Variants in DSCAM observed in about 807,000 individuals in gnomAD.
DSCAM encodes the protein DS cell adhesion molecule.
DSCAM carries 47 observed loss-of-function variants against 217.7 expected under a neutral mutation model. The observed-to-expected ratio is 0.22, with a 90% CI of 0.17 to 0.28. DSCAM has a LOEUF of 0.28. Ranked by LOEUF, DSCAM falls within the 10% of genes least tolerant of loss-of-function variation. DSCAM has a pLI of 1.00. For missense variants in DSCAM, 2,080 were observed against 2,618.3 expected (o/e 0.79, Z 4.49); for synonymous variants, 1,056 against 1,015.3 (o/e 1.04, Z -0.76).
At chr21:40,744,161 TATGGGAATCTTC>T (rs1375371295) in intron 1 of DSCAM, among the ~76,000 whole-genome samples, 2 of 152,084 alleles carry the variant, frequency 1.3e-5, no homozygotes, top group Admixed American at 6.6e-5. Context: ...CCCCTACCAG[TATGGGAATCTTC>T]ATGGGAAGCC....
At chr21:40,808,799 CT>C (rs1377170076) in intron 1 of DSCAM, among the ~76,000 whole-genome samples, 2 of 152,094 alleles carry the variant, frequency 1.3e-5, no homozygotes, top group Non-Finnish European at 2.9e-5. Context: ...TTGAAGAAGA[CT>C]TTGGAGATTA....
intron 3 of DSCAM, among the ~76,000 whole-genome samples, chr21:40,610,000 C>T (rs560248899): frequency 6.3e-4 from 96 of 152,324 alleles, no homozygotes; most frequent in Non-Finnish European, 1.1e-3. Flanking sequence ...CACAATCCTG[C>T]CTCATAGGGA....
chr21:40,513,264 GA>G (rs2146066935), intron 3 of DSCAM: 1 of 152,346 alleles, frequency 6.6e-6, no homozygotes, highest in East Asian at 1.9e-4. Flanking sequence ...TCTGTAATAT[GA>G]ATGAAGAGAC....
At chr21:40,540,901 T>C (rs993266235) in intron 3 of DSCAM, among the ~76,000 whole-genome samples, 1 of 142,754 alleles carries the variant, frequency 7.0e-6, no homozygotes, top group African/African-American at 2.9e-5. Context: ...GTTTGGGGTA[T>C]TTTTTTTTTA....
intron 1 of DSCAM, among the ~76,000 whole-genome samples, chr21:40,754,587 C>T (rs1235620396): frequency 6.6e-6 from 1 of 152,208 alleles, no homozygotes; most frequent in Non-Finnish European, 1.5e-5. Flanking sequence ...AGGTTTACAT[C>T]ACCACCTCCG....
In DSCAM at chr21:40,353,549, G is replaced by A. The variant is rs267606133; in HGVS notation, c.850C>T (p.Arg284Cys). ...TVTGLLIENI[R>C]PSDSGSYVCE... Reference sequence around the variant, plus strand: ...ACATAGCTGCCTGAGTCCGAGGGGCGAATGTTCTCAATGAGCAGCCCCGTC... The same window carrying A: ...ACATAGCTGCCTGAGTCCGAGGGGCAAATGTTCTCAATGAGCAGCCCCGTC... Residue 284 changes from arginine (R) to cysteine (C), a missense_variant, in exon 5 of 33, where the codon CGC becomes TGC. Arg to Cys is a radical substitution (Grantham distance 180, BLOSUM62 -3). Coordinates refer to ENST00000400454, the MANE Select transcript of DSCAM (RefSeq NM_001389.5). 116 of 1,611,710 alleles carry A rather than the reference G, an allele frequency of 7.2e-5. No homozygotes were observed. The highest frequency in any genetic ancestry group is 1.9e-4 in the South Asian group (17 of 90,580).
At chr21:40,310,536 A>T (rs2074126142) in intron 9 of DSCAM, among the ~76,000 whole-genome samples, 1 of 152,264 alleles carries the variant, frequency 6.6e-6, no homozygotes, top group South Asian at 2.1e-4. Context: ...GATCAGCTAC[A>T]TTATCCCAAA....
chr21:40,265,086 G>A (rs571778641), intron 11 of DSCAM, among the ~76,000 whole-genome samples: 8 of 151,868 alleles, frequency 5.3e-5, no homozygotes, highest in African/African-American at 1.2e-4. Flanking sequence ...CCAGCTACTC[G>A]GGAAGCTGAG....
chr21:40,471,657 A>G (rs1339354696), intron 3 of DSCAM, among the ~76,000 whole-genome samples: 1 of 152,178 alleles, frequency 6.6e-6, no homozygotes, highest in Non-Finnish European at 1.5e-5. Flanking sequence ...TGGAGCCAGC[A>G]CTGGCTCCCA....
rs149261402 is a variant in DSCAM, at chr21:40,087,230, A to G, written c.3908T>C (p.Ile1303Thr). 35 of 1,614,160 alleles carry G rather than the reference A, an allele frequency of 2.2e-5. 1 individual carries two copies. The South Asian group carries it at 3.4e-4, about 16-fold the overall frequency. ...CCCAACAGCCTTACAAGGCAAGACA[A>G]TGTCTTTCATCCATGGAGTAGTCAC... is the stretch of plus-strand genomic sequence containing the variant. The part of the protein sequence containing the change: ...GTVTTPWMKD[I>T]VLPCKAVGDP... Residue 1303 changes from isoleucine to threonine, a missense_variant, in exon 22 of 33, where the codon ATT (isoleucine) becomes ACT (threonine). Transcript: ENST00000400454.
At position 40,462,066 on chromosome 21, in the gene DSCAM, G is replaced by T. The variant is rs576274520; in HGVS notation, c.509-92821C>A. On this transcript the variant is annotated intron_variant, in intron 3 of 32. Transcript: ENST00000400454. ...AGCAGGAAATGAATATGGCAGAAAA[G>T]AATAGAAAAATGACCACAGGAAGAT... is the stretch of plus-strand genomic sequence containing the variant. Among the ~76,000 whole-genome samples the T allele has an allele frequency of 5.3e-5, 8 of 152,346 alleles. No individual in the cohort carries two copies. The East Asian group carries it at 9.6e-4, about 18-fold the overall frequency.
intron 3 of DSCAM, among the ~76,000 whole-genome samples, chr21:40,622,253 G>T (rs1461632987): frequency 6.7e-6 from 1 of 148,254 alleles, no homozygotes; most frequent in African/African-American, 2.5e-5. Context: ...AAAAGAAAAG[G>T]ATTTGAGTGT....
At chr21:40,287,081 A>C (rs1436242886) in intron 10 of DSCAM, among the ~76,000 whole-genome samples, 1 of 148,706 alleles carries the variant, frequency 6.7e-6, no homozygotes, top group Non-Finnish European at 1.5e-5. Context: ...GGTGATCTGC[A>C]ATGTCATCCA....
At chr21:40,015,540 C>T (rs2088142608) in intron 32 of DSCAM, among the ~76,000 whole-genome samples, 1 of 152,038 alleles carries the variant, frequency 6.6e-6, no homozygotes, top group African/African-American at 2.4e-5. Flanking sequence ...AGCAAACCTT[C>T]CACCTCAGCC....
intron 3 of DSCAM, among the ~76,000 whole-genome samples, chr21:40,498,184 A>C (rs2076134481): frequency 6.6e-6 from 1 of 152,180 alleles, no homozygotes; most frequent in African/African-American, 2.4e-5. Flanking sequence ...ATGAGAGTTC[A>C]GGACATATCT....
intron 3 of DSCAM, among the ~76,000 whole-genome samples, chr21:40,559,554 G>A (rs1227591549): frequency 6.6e-6 from 1 of 151,882 alleles, no homozygotes; most frequent in Non-Finnish European, 1.5e-5. Flanking sequence ...CACCTCTCAG[G>A]ATCCACATAG....
chr21:40,720,798 G>T (rs1157636301), intron 1 of DSCAM, among the ~76,000 whole-genome samples: 1 of 152,170 alleles, frequency 6.6e-6, no homozygotes, highest in Non-Finnish European at 1.5e-5. Context: ...TATATTGTGG[G>T]GTTAGGGGGA....
At chr21:40,791,156 CAAA>C (rs61244663) in intron 1 of DSCAM, among the ~76,000 whole-genome samples, 2 of 142,018 alleles carry the variant, frequency 1.4e-5, no homozygotes. Flanking sequence ...GACTTCATCT[CAAA>C]AAAAAAAAAA....
intron 3 of DSCAM, among the ~76,000 whole-genome samples, chr21:40,478,349 A>G (rs1275921137): frequency 1.3e-5 from 2 of 152,226 alleles, no homozygotes; most frequent in Non-Finnish European, 1.5e-5. Flanking sequence ...ACATGTGGAC[A>G]TAGGTAAATA....
Sources: allele counts gnomAD v4.1 joint callset (sites outside exome capture counted in the v4.1 genomes callset), GRCh38; gene constraint gnomAD v4.1.1; transcripts MANE v1.5; gene names NCBI Gene and HGNC (gene_info 2026-07-23, HGNC 2026-07-21).